The following TMTC3 variants were observed in gnomAD, a reference collection of about 807,000 sequenced individuals.
TMTC3 encodes the protein protein O-mannosyl-transferase TMTC3.
TMTC3 carries 52 observed loss-of-function variants against 92.2 expected under a neutral mutation model. The observed-to-expected ratio is 0.56, with a 90% CI of 0.45 to 0.71. TMTC3 has a LOEUF of 0.71. Among genes scored for constraint, TMTC3 ranks in the 30% least tolerant of loss-of-function variants. The pLI, the probability that TMTC3 is intolerant of heterozygous loss-of-function variation, is 0.00. For synonymous variants in TMTC3, 339 were observed against 363.3 expected (o/e 0.93, Z 0.76); for missense variants, 896 against 1,057.1 (o/e 0.85, Z 2.11).
chr12:88,148,109 C>T (rs2138356675), intron 1 of TMTC3, among the ~76,000 whole-genome samples, 179 bp from the exon 2 acceptor site: 1 of 152,198 alleles, frequency 6.6e-6, no homozygotes, highest in African/African-American at 2.4e-5. Context: ...GGACATTATC[C>T]AGTAAGAGAT....
intron 4 of TMTC3, among the ~76,000 whole-genome samples, chr12:88,156,099 A>G (rs2041006468): frequency 6.6e-6 from 1 of 152,200 alleles, no homozygotes; most frequent in African/African-American, 2.4e-5. Context: ...GACAGAATCC[A>G]TCTCAAAACA....
intron 6 of TMTC3, among the ~76,000 whole-genome samples, chr12:88,162,367 A>G (rs2138385980): frequency 6.6e-6 from 1 of 152,246 alleles, no homozygotes; most frequent in East Asian, 1.9e-4. Context: ...ATTTTGGAAA[A>G]TGTTTAGCTA....
Position 88,166,320 on chromosome 12 carries a change from CT to C in TMTC3, c.798-7del, listed in dbSNP as rs2041142970. 6.3e-7 allele frequency: 1 copy of C among 1,599,360 alleles called. No individual in the cohort carries two copies. Among genetic ancestry groups the C allele is most frequent in the Non-Finnish European group, 8.5e-7 (1 of 1,173,934 alleles). On this transcript the variant is annotated splice_polypyrimidine_tract_variant and intron_variant, in intron 6 of 13. Transcript: ENST00000266712. Reference sequence around the variant, plus strand: ...TTTATTTGTAATCTTTTTTTTAATCCTTTATACAGGTTTGATAACCCAGCTG... The same window carrying C: ...TTTATTTGTAATCTTTTTTTTAATCCTTATACAGGTTTGATAACCCAGCTG...
At chr12:88,193,739 T>A (rs1471356092) in intron 13 of TMTC3, among the ~76,000 whole-genome samples, 1 of 152,086 alleles carries the variant, frequency 6.6e-6, no homozygotes, top group East Asian at 1.9e-4. Flanking sequence ...TAGAGAGAAG[T>A]CTTTATGCCT....
chr12:88,152,857 T>G (rs1592723653), intron 2 of TMTC3, among the ~76,000 whole-genome samples: 1 of 152,316 alleles, frequency 6.6e-6, no homozygotes, highest in East Asian at 1.9e-4. Flanking sequence ...TTAATTGAAC[T>G]GGTAAGCATT....
chr12:88,194,450 A>G (rs2138447971), intron 13 of TMTC3, among the ~76,000 whole-genome samples: 1 of 152,314 alleles, frequency 6.6e-6, no homozygotes, highest in South Asian at 2.1e-4. Context: ...GAAGTTAAGT[A>G]ACATGTTCAG....
intron 10 of TMTC3, among the ~76,000 whole-genome samples, chr12:88,177,600 A>G (rs2041273871): frequency 6.6e-6 from 1 of 152,170 alleles, no homozygotes. Context: ...CTAGAGCAGC[A>G]GTATTTTTCG....
chr12:88,151,767 G>C (rs1239530757), intron 2 of TMTC3, among the ~76,000 whole-genome samples: 1 of 152,044 alleles, frequency 6.6e-6, no homozygotes, highest in East Asian at 1.9e-4. Flanking sequence ...GTACTCGAAG[G>C]GTTTCTAGAG....
chr12:88,186,884 T>TA (rs2041383773), intron 10 of TMTC3, among the ~76,000 whole-genome samples: 1 of 152,114 alleles, frequency 6.6e-6, no homozygotes, highest in Non-Finnish European at 1.5e-5. Context: ...AAGTCTACAT[T>TA]AATGACAATA....
At chr12:88,186,608 G>A (rs1485156294) in intron 10 of TMTC3, among the ~76,000 whole-genome samples, 1 of 152,082 alleles carries the variant, frequency 6.6e-6, no homozygotes, top group Non-Finnish European at 1.5e-5. Context: ...GTTCTTTGAA[G>A]TTCCTTTAGT....
chr12:88,175,360 C>T lies in TMTC3; in HGVS notation c.1320+633C>T, dbSNP rs1053855378. 3.0e-4 allele frequency among the ~76,000 whole-genome samples: 46 copies of T among 152,096 alleles called. 1 individual carries two copies. The highest frequency in any genetic ancestry group is 7.4e-5 in the Non-Finnish European group (5 of 68,014). ...GGTTATCCGCAAAGATTTTTTCAAGCTCTCCCTTACCAGTACCCCTCTTCA... is the reference window on the plus strand; with the variant it reads ...GGTTATCCGCAAAGATTTTTTCAAGTTCTCCCTTACCAGTACCCCTCTTCA... On this transcript the variant is annotated intron_variant, in intron 9 of 13. Transcript: ENST00000266712.
At chr12:88,172,419 TC>T in intron 7 of TMTC3, among the ~76,000 whole-genome samples, 177 bp from the exon 8 acceptor site, 1 of 152,032 alleles carries the variant, frequency 6.6e-6, no homozygotes, top group East Asian at 1.9e-4. Context: ...TAAGTTGCCT[TC>T]TTTATGTTTA....
At chr12:88,148,252 A>G in intron 1 of TMTC3, 36 bp from the exon 2 acceptor site, 1 of 1,363,878 alleles carries the variant, frequency 7.3e-7, no homozygotes, top group South Asian at 1.4e-5. Context: ...TGGAATAAAT[A>G]TGTTCCTTAT....
intron 1 of TMTC3, among the ~76,000 whole-genome samples, chr12:88,148,008 A>T (rs2040896880): frequency 6.6e-6 from 1 of 152,110 alleles, no homozygotes; most frequent in South Asian, 2.1e-4. Flanking sequence ...TAATCCACAG[A>T]GGAAACCTCC....
At position 88,195,813 on chromosome 12, in the gene TMTC3, C is replaced by G. The variant is rs1309049232; in HGVS notation, c.*164C>G. 6 of 549,644 alleles carry G rather than the reference C, an allele frequency of 1.1e-5. No individual in the cohort carries two copies. The highest frequency in any genetic ancestry group is 1.6e-5 in the Non-Finnish European group (5 of 319,100). 34.0% of individuals were successfully genotyped at this position (549,644 alleles called of 1,614,324 possible). ...ATTTTCATTAAAGACCTGTATTATC[C>G]CAGGATGTATATTATGTATCGCTGT... On this transcript the variant is annotated 3_prime_UTR_variant, in exon 14 of 14. Coordinates refer to ENST00000266712, the MANE Select transcript of TMTC3 (RefSeq NM_181783.4).
intron 10 of TMTC3, among the ~76,000 whole-genome samples, chr12:88,188,488 G>A (rs1387711508): frequency 1.3e-5 from 2 of 151,864 alleles, no homozygotes; most frequent in African/African-American, 4.8e-5. Context: ...ATGAAGGAAG[G>A]TAATAAAAAT....
chr12:88,176,428 A>G (rs1409244636), intron 10 of TMTC3, 109 bp downstream of exon 10: 1 of 724,852 alleles, frequency 1.4e-6, no homozygotes, highest in Non-Finnish European at 2.2e-6. Context: ...GAGTGACTTG[A>G]ATACTAGAGT....
At chr12:88,156,805 G>GTA (rs1196899842) in intron 4 of TMTC3, among the ~76,000 whole-genome samples, 23 of 103,742 alleles carry the variant, frequency 2.2e-4, no homozygotes, top group Admixed American at 8.8e-4. Context: ...TTTTGTGTGT[G>GTA]TGTGTGTTTT....
intron 10 of TMTC3, among the ~76,000 whole-genome samples, chr12:88,176,533 T>G (rs1389897285): frequency 6.6e-6 from 1 of 152,134 alleles, no homozygotes; most frequent in Admixed American, 6.6e-5. Flanking sequence ...CCCAGCACTT[T>G]GGGAGGCTGA....
Sources: allele counts gnomAD v4.1 joint callset (sites outside exome capture counted in the v4.1 genomes callset), GRCh38; gene constraint gnomAD v4.1.1; transcripts MANE v1.5; gene names NCBI Gene and HGNC (gene_info 2026-07-23, HGNC 2026-07-21).